Variants in NSD3 observed in about 807,000 individuals in gnomAD.
NSD3 encodes nuclear receptor binding SET domain protein 3.
In NSD3, 24 loss-of-function variants were observed where a neutral mutation model predicts 160.8. The ratio of observed to expected loss-of-function variants is 0.15; its 90% confidence interval spans 0.11 to 0.21. The LOEUF (loss-of-function observed/expected upper bound fraction) is 0.21, where lower values mean the gene tolerates loss of function less well. Ranked by LOEUF, NSD3 falls within the 10% of genes least tolerant of loss-of-function variation. NSD3 has a pLI of 1.00. For missense variants in NSD3, 1,157 were observed against 1,735.9 expected, an observed-to-expected ratio of 0.67 and a Z score of 5.93; for synonymous variants, 520 against 600.0, an observed-to-expected ratio of 0.87 and a Z score of 1.95.
Position 38,299,487 on chromosome 8 carries a change from A to G in NSD3, c.2715T>C (p.Pro905=). 1 of 1,613,864 alleles carries G rather than the reference A, an allele frequency of 6.2e-7. No individual in the cohort carries two copies. Among genetic ancestry groups the G allele is most frequent in the Non-Finnish European group, 8.5e-7 (1 of 1,179,876 alleles). The change falls in exon 15 of 24, where the codon CCT becomes CCC. Residue 905 remains proline, a synonymous_variant. Transcript: ENST00000317025. The part of the protein sequence containing the change: ...ESNRAELMKL[P]MIPSSSASKK... The stretch of plus-strand genomic sequence containing the variant: ...TGGAAGCTGACGAAGAAGGAATCAT[A>G]GGTAATTTCATCAACTCAGCACGAT...
At chr8:38,360,825 C>T (rs1014260070) in intron 1 of NSD3, among the ~76,000 whole-genome samples, 5 of 152,104 alleles carry the variant, frequency 3.3e-5, no homozygotes, top group African/African-American at 4.8e-5. Flanking sequence ...TCCTCCAAGA[C>T]GTGAAGCAAA....
Position 38,329,326 on chromosome 8 carries a change from G to A in NSD3, c.1581+52C>T. ...GGTCATTGTTTTAAATGCCAAGGTT[G>A]ACCACTTTTAAAATACCATCCCCCA... is the stretch of plus-strand genomic sequence containing the variant. On this transcript the variant is annotated intron_variant, in intron 6 of 23. Coordinates refer to ENST00000317025, the MANE Select transcript of NSD3 (RefSeq NM_023034.2). This position sits in a 1 kb window ranked among gnomAD's most constrained non-coding sequence, Gnocchi z 4.8. 1 of 1,564,386 alleles carries A rather than the reference G, an allele frequency of 6.4e-7. No individual in the cohort carries two copies. Among genetic ancestry groups the A allele is most frequent in the African/African-American group, 1.4e-5 (1 of 73,104 alleles).
At chr8:38,338,689 A>C in intron 2 of NSD3, 82 bp from the exon 3 acceptor site, 1 of 1,106,102 alleles carries the variant, frequency 9.0e-7, no homozygotes, top group South Asian at 1.3e-5. Flanking sequence ...ACATAAAAAG[A>C]ATCAAAGAAA....
Position 38,289,323 on chromosome 8 carries a change from G to A in NSD3, c.3231+70C>T, listed in dbSNP as rs920356548. The A allele has an allele frequency of 8.9e-6, 12 of 1,355,630 alleles. No homozygotes were observed. In the East Asian group the frequency reaches 1.8e-4, roughly 21 times the overall value. The allele number at this position is 1,355,630 out of a possible 1,614,324, so 84.0% of individuals were successfully genotyped here. ...TTCGTCTCATCTATTAAATAACAAT[G>A]CTTTCATAGTAAAGACTTACTTTGT... is the stretch of plus-strand genomic sequence containing the variant. On this transcript the variant is annotated intron_variant, in intron 18 of 23. Transcript: ENST00000317025.
Position 38,338,454 on chromosome 8 carries a change from T to C in NSD3, c.747+82A>G, listed in dbSNP as rs1387755217. On this transcript the variant is annotated intron_variant, in intron 3 of 23. Transcript: ENST00000317025. ...CTGAAATTAAGAAGCGTAGTACCAA[T>C]ACAATTGTGTTGCAATTCAATCACT... The C allele has an allele frequency of 5.2e-6, 6 of 1,157,410 alleles. No individual in the cohort carries two copies. The South Asian group carries it at 6.1e-5, about 12-fold the overall frequency. 71.7% of individuals were successfully genotyped at this position (1,157,410 alleles called of 1,614,324 possible).
Position 38,348,225 on chromosome 8 carries a change from TAA to T in NSD3, c.-44-12_-44-11del. 6.6e-7 allele frequency: 1 copy of T among 1,509,590 alleles called. No homozygotes were observed. The highest frequency in any genetic ancestry group is 1.4e-5 in the African/African-American group (1 of 71,798). 93.5% of individuals were successfully genotyped at this position (1,509,590 alleles called of 1,614,324 possible). A position where few individuals can be genotyped will look rare whatever the true frequency, so the allele number is the denominator to read the frequency against. Reference sequence around the variant, plus strand: ...CTTTCTCTCATCGGGCCTAAAATTATAAAAGAGGGGATTAGAAGGTGTTACTA... The same window carrying T: ...CTTTCTCTCATCGGGCCTAAAATTATAAGAGGGGATTAGAAGGTGTTACTA... On this transcript the variant is annotated splice_polypyrimidine_tract_variant and intron_variant, in intron 1 of 23. Transcript: ENST00000317025.
rs1161708485 is a variant in NSD3, at chr8:38,316,258, T to C, written c.1856-216A>G. Among the ~76,000 whole-genome samples the C allele has an allele frequency of 1.3e-5, 2 of 152,188 alleles. No homozygotes were observed. The highest frequency in any genetic ancestry group is 2.4e-5 in the African/African-American group (1 of 41,442). On this transcript the variant is annotated intron_variant, in intron 9 of 23. Transcript: ENST00000317025. The surrounding 1 kb of genome is among the most constrained non-coding windows in gnomAD (Gnocchi z 4.5). ...TTTACAACCGCTCTATCAAAACATT[T>C]AATTCAGTTCTCCTCTCTAAAGCTA...
intron 12 of NSD3, among the ~76,000 whole-genome samples, chr8:38,311,546 A>C (rs1809536710): frequency 6.6e-6 from 1 of 152,148 alleles, no homozygotes; most frequent in South Asian, 2.1e-4. Context: ...GGCTGGTCTT[A>C]AACTCTTGAC....
intron 14 of NSD3, among the ~76,000 whole-genome samples, chr8:38,300,544 C>A (rs1273449286): frequency 2.0e-5 from 3 of 152,106 alleles, no homozygotes; most frequent in Non-Finnish European, 4.4e-5. Context: ...TTTTCCCTGC[C>A]ACAATATAAA....
Position 38,299,526 on chromosome 8 carries a change from T to C in NSD3, c.2676A>G (p.Leu892=). Residue 892 remains leucine, a synonymous_variant, in exon 15 of 24, where the codon CTA becomes CTG. Coordinates refer to ENST00000317025, the MANE Select transcript of NSD3 (RefSeq NM_023034.2). ...ACTCAGCACGATTTGATTCATTCAG[T>C]AGGTAGTGGGACTTATAGGCATATG... ...FSSYAYKSHY[L]LNESNRAELM... The C allele has an allele frequency of 2.5e-6, 4 of 1,613,848 alleles. No individual in the cohort carries two copies. The highest frequency in any genetic ancestry group is 1.1e-5 in the South Asian group (1 of 91,002).
chr8:38,365,085 G>T (rs1435491327), intron 1 of NSD3, among the ~76,000 whole-genome samples: 1 of 152,180 alleles, frequency 6.6e-6, no homozygotes, highest in African/African-American at 2.4e-5. Context: ...CCATGAGGCA[G>T]ATAGAATTTA....
chr8:38,284,205 T>C (rs1239309060), intron 19 of NSD3, among the ~76,000 whole-genome samples: 1 of 152,258 alleles, frequency 6.6e-6, no homozygotes, highest in Admixed American at 6.5e-5. Flanking sequence ...GACATGGGAC[T>C]GTTCTGCACA....
At chr8:38,312,732 T>C (rs983516248) in intron 12 of NSD3, among the ~76,000 whole-genome samples, 1 of 152,150 alleles carries the variant, frequency 6.6e-6, no homozygotes, top group Non-Finnish European at 1.5e-5. Context: ...CCTTCTGCCA[T>C]GATTGTAAGT....
rs1468765372 is a variant in NSD3 at position 38,321,887 on chromosome 8, G to C, written c.1709-715C>G. On this transcript the variant is annotated intron_variant, in intron 7 of 23. Coordinates refer to ENST00000317025, the MANE Select transcript of NSD3 (RefSeq NM_023034.2). The surrounding 1 kb of genome is among the most constrained non-coding windows in gnomAD (Gnocchi z 4.7). ...GAGTACAATTCTTTAAAAGCGAATT[G>C]AAGAAAACTCACATGGACCCCATTT... is the stretch of plus-strand genomic sequence containing the variant. 6.6e-6 allele frequency among the ~76,000 whole-genome samples: 1 copy of C among 152,192 alleles called. No individual in the cohort carries two copies. Among genetic ancestry groups the C allele is most frequent in the Non-Finnish European group, 1.5e-5 (1 of 68,014 alleles).
chr8:38,279,575 C>T lies in NSD3; in HGVS notation c.3725G>A (p.Arg1242Gln). ...ATCACAGAGAGCAAATAGTCCCACT[C>T]GAACATCTCCATTCACTGTCCACTT... ...TQKWTVNGDV[R>Q]VGLFALCDIP... The change falls in exon 21 of 24, where the codon CGA becomes CAA. Residue 1242 changes from arginine to glutamine, a missense_variant. Transcript: ENST00000317025. 1 of 1,614,162 alleles carries T rather than the reference C, an allele frequency of 6.2e-7. No homozygotes were observed. The highest frequency in any genetic ancestry group is 8.5e-7 in the Non-Finnish European group (1 of 1,180,006).
At chr8:38,330,854 A>G (rs1810039762) in intron 5 of NSD3, among the ~76,000 whole-genome samples, 1 of 152,214 alleles carries the variant, frequency 6.6e-6, no homozygotes, top group Admixed American at 6.5e-5. Context: ...TCCTGATTCC[A>G]TCACTTGTGT....
At chr8:38,377,856 C>A (rs1055904196) in intron 1 of NSD3, among the ~76,000 whole-genome samples, 2 of 151,904 alleles carry the variant, frequency 1.3e-5, no homozygotes, top group Non-Finnish European at 2.9e-5. Context: ...CCGCTTGAAC[C>A]GGGAGGTGAA....
chr8:38,307,260 C>T (rs1809430642), intron 12 of NSD3, among the ~76,000 whole-genome samples: 2 of 152,196 alleles, frequency 1.3e-5, no homozygotes, highest in South Asian at 4.1e-4. Flanking sequence ...TCTTGGCTCA[C>T]TGCAACCTTT....
chr8:38,305,891 G>A (rs946740747), intron 12 of NSD3, among the ~76,000 whole-genome samples: 10 of 151,806 alleles, frequency 6.6e-5, no homozygotes, highest in African/African-American at 2.4e-4. Context: ...TATCTTATTC[G>A]AACTATAGAA....
Sources: gnomAD v4.1 joint callset for allele counts (sites outside exome capture counted in the v4.1 genomes callset) on GRCh38, gnomAD v4.1.1 for gene constraint, Gnocchi (gnomAD v3.1) non-coding constraint, MANE v1.5 for transcripts, NCBI Gene and HGNC (gene_info 2026-07-23, HGNC 2026-07-21) for gene names.